Variants in GOLGA6D observed in about 807,000 individuals in gnomAD.
GOLGA6D encodes the protein golgin subfamily A member 6D.
A neutral mutation model predicts 42.1 loss-of-function variants in GOLGA6D; 9 were observed. The observed-to-expected ratio is 0.21, with a 90% CI of 0.13 to 0.37. The LOEUF (loss-of-function observed/expected upper bound fraction) is 0.37. Among genes scored for constraint, GOLGA6D ranks in the 10% least tolerant of loss-of-function variants. The pLI is 1.00. For synonymous variants in GOLGA6D, 39 were observed against 167.3 expected (o/e 0.23, Z 5.92); for missense variants, 87 against 420.8 (o/e 0.21, Z 6.94).
chr15:75,276,151 G>GC, the GOLGA6D span, among the ~76,000 whole-genome samples: 3,907 of 146,588 alleles, frequency 0.027, 49 homozygotes, highest in African/African-American at 0.098. Context: ...TGTCTTGAAT[G>GC]CCCCCTCACC....
At position 75,294,330 on chromosome 15, in the gene GOLGA6D, G is replaced by C; in HGVS notation, c.1955-18G>C. 6.3e-7 allele frequency: 1 copy of C among 1,586,006 alleles called. No individual in the cohort carries two copies. The highest frequency in any genetic ancestry group is 8.5e-7 in the Non-Finnish European group (1 of 1,173,908). On this transcript the variant is annotated intron_variant, in intron 17 of 17. Transcript: ENST00000434739. ...AGGCTCGCACTGTGCTCAGACCCCC[G>C]CCTCCCTCTCTCCGAAGTTTTTTAT...
At chr15:75,276,475 GT>G in the GOLGA6D span, among the ~76,000 whole-genome samples, 1,146 of 145,796 alleles carry the variant, frequency 7.9e-3, 1 homozygote, top group East Asian at 0.045. Context: ...CACCAGCTGT[GT>G]TTCAACTCTG....
rs1396424845 is a variant in GOLGA6D at position 75,289,310 on chromosome 15, G to A, written c.565-87G>A. On this transcript the variant is annotated intron_variant, in intron 7 of 17. Coordinates refer to ENST00000434739, the MANE Select transcript of GOLGA6D (RefSeq NM_001145224.3). Reference sequence around the variant, plus strand: ...GGAAATGCCTTGACCTTTACTGACCGAGTTGTATATTGAGCCTAGCCCTAG... The same window carrying A: ...GGAAATGCCTTGACCTTTACTGACCAAGTTGTATATTGAGCCTAGCCCTAG... 92 of 1,238,688 alleles carry A rather than the reference G, an allele frequency of 7.4e-5. 7 individuals carry two copies. Among genetic ancestry groups the A allele is most frequent in the African/African-American group, 1.5e-4 (9 of 58,682 alleles). The allele number at this position is 1,238,688 out of a possible 1,614,324, so 76.7% of individuals were successfully genotyped here. A position where few individuals can be genotyped will look rare whatever the true frequency, so the allele number is the denominator to read the frequency against.
chr15:75,294,403 G>A lies in GOLGA6D; in HGVS notation c.2010G>A (p.Arg670=), dbSNP rs566693501. Residue 670 remains arginine, a synonymous_variant, in exon 18 of 18, where the codon AGG becomes AGA. Coordinates refer to ENST00000434739, the MANE Select transcript of GOLGA6D (RefSeq NM_001145224.3). ...NNVEPAPGVA[R]EGSPHNNPTV... is the part of the protein sequence containing the mutation. ...TGGAGCCTGCACCAGGAGTGGCCAG[G>A]GAGGGTTCTCCCCATAACAACCCCA... 7.5e-6 allele frequency: 12 copies of A among 1,600,264 alleles called. 2 individuals carry two copies. The highest frequency in any genetic ancestry group is 3.0e-5 in the African/African-American group (2 of 66,908).
In GOLGA6D at chr15:75,294,448, G is replaced by T. The variant is rs981281781; in HGVS notation, c.2055G>T (p.Gln685His). The stretch of plus-strand genomic sequence containing the variant: ...ACCCCACTGTACAGCAGATCGTGCA[G>T]CTGTCTCCTGTCATGCAGGACACCT... The part of the protein sequence containing the change: ...HNNPTVQQIV[Q>H]LSPVMQDT The change falls in exon 18 of 18, where the codon CAG becomes CAT. Residue 685 changes from glutamine (Q) to histidine (H), a missense_variant. Physicochemically the swap from Gln to His is conservative, Grantham distance 24. Coordinates refer to ENST00000434739, the MANE Select transcript of GOLGA6D (RefSeq NM_001145224.3). 2.5e-6 allele frequency: 4 copies of T among 1,597,036 alleles called. 1 individual carries two copies. The African/African-American group carries it at 6.0e-5, about 24-fold the overall frequency.
At position 75,294,237 on chromosome 15, in the gene GOLGA6D, C is replaced by A. The variant is rs1366560698; in HGVS notation, c.1930C>A (p.Leu644Ile). 1 of 1,422,236 alleles carries A rather than the reference C, an allele frequency of 7.0e-7. No individual in the cohort carries two copies. The allele number at this position is 1,422,236 out of a possible 1,614,324, so 88.1% of individuals were successfully genotyped here. A position where few individuals can be genotyped will look rare whatever the true frequency, so the allele number is the denominator to read the frequency against. ...TCCAGGGGCCCCAGCCCCCCAGGAA[C>A]TTGGGGCTGCCGGTGAGCAGGATGG... ...PTPGAPAPQELGAAGEQDVFY... is the reference protein window; with the variant it reads ...PTPGAPAPQEIGAAGEQDVFY... The change falls in exon 17 of 18, where the codon CTT becomes ATT. Residue 644 changes from leucine to isoleucine, a missense_variant. Transcript: ENST00000434739.
Position 75,295,409 on chromosome 15 carries a change from G to GA in GOLGA6D, c.*938dup, listed in dbSNP as rs909149188. ...GCTCCCATCATTGACTGTGGATGTG[G>GA]AAAACCTTTTCTAGCTTAGAGCATT... On this transcript the variant is annotated 3_prime_UTR_variant, in exon 18 of 18. Transcript: ENST00000434739. 1 of 132,674 alleles carries GA rather than the reference G, an allele frequency of 7.5e-6. No homozygotes were observed. The highest frequency in any genetic ancestry group is 1.6e-5 in the Non-Finnish European group (1 of 63,548). The allele number at this position is 132,674 out of a possible 1,614,324, so 8.2% of individuals were successfully genotyped here. A position where few individuals can be genotyped will look rare whatever the true frequency, so the allele number is the denominator to read the frequency against.
Position 75,294,392 on chromosome 15 carries a change from G to C in GOLGA6D, c.1999G>C (p.Gly667Arg). The part of the protein sequence containing the change: ...SLDNNVEPAP[G>R]VAREGSPHNN... ...GGACAACAACGTGGAGCCTGCACCA[G>C]GAGTGGCCAGGGAGGGTTCTCCCCA... The change falls in exon 18 of 18, where the codon GGA becomes CGA. Residue 667 changes from glycine to arginine, a missense_variant. Coordinates refer to ENST00000434739, the MANE Select transcript of GOLGA6D (RefSeq NM_001145224.3). The C allele has an allele frequency of 6.3e-7, 1 of 1,598,970 alleles. No individual in the cohort carries two copies. The highest frequency in any genetic ancestry group is 8.5e-7 in the Non-Finnish European group (1 of 1,177,834).
chr15:75,276,342 C>T, the GOLGA6D span, among the ~76,000 whole-genome samples: 1 of 151,204 alleles, frequency 6.6e-6, no homozygotes, highest in Non-Finnish European at 1.5e-5. Flanking sequence ...ACCCTCTGTC[C>T]TCATGTGGTG....
In GOLGA6D at chr15:75,289,430, C is replaced by A. The variant is rs765215456; in HGVS notation, c.598C>A (p.Arg200=). The A allele has an allele frequency of 6.6e-7, 1 of 1,526,474 alleles. No homozygotes were observed. The allele number at this position is 1,526,474 out of a possible 1,614,324, so 94.6% of individuals were successfully genotyped here. The change falls in exon 8 of 18, where the codon CGG becomes AGG. Residue 200 remains arginine (R), a synonymous_variant. Coordinates refer to ENST00000434739, the MANE Select transcript of GOLGA6D (RefSeq NM_001145224.3). ...SSCREAVLQR[R]LQQTIKERAL... ...CTGCAGAGAAGCGGTCCTCCAGCGGCGGTTACAGCAGACCATAAAGGAGCG... is the reference window on the plus strand; with the variant it reads ...CTGCAGAGAAGCGGTCCTCCAGCGGAGGTTACAGCAGACCATAAAGGAGCG...
At chr15:75,287,587 AG>A in intron 3 of GOLGA6D, 41 bp from the exon 4 acceptor site, 1 of 254,874 alleles carries the variant, frequency 3.9e-6, no homozygotes, top group Admixed American at 7.8e-5. Context: ...AATAGAGTTG[AG>A]GGGGCCACTC....
upstream of GOLGA6D, among the ~76,000 whole-genome samples, chr15:75,278,790 C>A (rs1272672775): frequency 1.3e-5 from 2 of 151,836 alleles, no homozygotes; most frequent in Non-Finnish European, 2.9e-5. Flanking sequence ...TGCAGTGTAG[C>A]ATAGATGGTT....
Position 75,294,580 on chromosome 15 carries a change from T to G in GOLGA6D, c.*105T>G. The G allele has an allele frequency of 4.8e-6, 5 of 1,034,712 alleles. No homozygotes were observed. In the South Asian group the frequency reaches 8.7e-5, roughly 18 times the overall value. 64.1% of individuals were successfully genotyped at this position (1,034,712 alleles called of 1,614,324 possible). On this transcript the variant is annotated 3_prime_UTR_variant, in exon 18 of 18. Coordinates refer to ENST00000434739, the MANE Select transcript of GOLGA6D (RefSeq NM_001145224.3). Reference sequence around the variant, plus strand: ...TCTTCTAAGAGCTGGTCAAGAAATTTAAAACAACAACAACAACAAAAAGTT... The same window carrying G: ...TCTTCTAAGAGCTGGTCAAGAAATTGAAAACAACAACAACAACAAAAAGTT...
chr15:75,278,804 C>T (rs1361563880), upstream of GOLGA6D, among the ~76,000 whole-genome samples: 2 of 151,784 alleles, frequency 1.3e-5, no homozygotes, highest in African/African-American at 4.9e-5. Context: ...GATGGTTGTA[C>T]TTGTCCACTC....
At chr15:75,276,218 T>G in the GOLGA6D span, among the ~76,000 whole-genome samples, 1 of 151,712 alleles carries the variant, frequency 6.6e-6, no homozygotes, top group Non-Finnish European at 1.5e-5. Flanking sequence ...GGAACCCACA[T>G]TCCCTGCCCC....
At chr15:75,277,821 T>G in the GOLGA6D span, among the ~76,000 whole-genome samples, 20 of 1,638 alleles carry the variant, frequency 0.012, no homozygotes, top group Non-Finnish European at 0.048. Context: ...AAAATGTCAC[T>G]GTTTTGGGGT....
chr15:75,293,436 C>T lies in GOLGA6D; in HGVS notation c.1593+272C>T, dbSNP rs2451769. On this transcript the variant is annotated intron_variant, in intron 14 of 17. Transcript: ENST00000434739. ...GCCTTCAAGTGGCATTTTTCAACTC[C>T]GCTGGAGCCAGTTCCCAGGAGGAGC... 7.9e-3 allele frequency among the ~76,000 whole-genome samples: 1,097 copies of T among 139,178 alleles called. 1 individual carries two copies. The highest frequency in any genetic ancestry group is 0.022 in the African/African-American group (762 of 34,472). 91.3% of individuals were successfully genotyped at this position (139,178 alleles called of 152,430 possible).
Position 75,288,307 on chromosome 15 carries a change from T to A in GOLGA6D, c.507T>A (p.Ile169=). The A allele has an allele frequency of 6.4e-7, 1 of 1,573,246 alleles. No individual in the cohort carries two copies. Among genetic ancestry groups the A allele is most frequent in the Non-Finnish European group, 8.5e-7 (1 of 1,170,764 alleles). Residue 169 remains isoleucine (I), a synonymous_variant, in exon 7 of 18, where the codon ATT becomes ATA. Coordinates refer to ENST00000434739, the MANE Select transcript of GOLGA6D (RefSeq NM_001145224.3). ...GCCTGCAATACTCCTTACAGCATAT[T>A]CAAGAATTGGAGCGGGCTCTCTGTG... The part of the protein sequence containing the change: ...AGRLQYSLQH[I]QELERALCAV...
chr15:75,288,559 G>A (rs1379808097), intron 7 of GOLGA6D, among the ~76,000 whole-genome samples, 195 bp downstream of exon 7: 2 of 140,226 alleles, frequency 1.4e-5, no homozygotes, highest in African/African-American at 2.8e-5. Flanking sequence ...GGGCACTGTG[G>A]GGAGTGAGCA....
Sources: allele counts gnomAD v4.1 joint callset (sites outside exome capture counted in the v4.1 genomes callset), GRCh38; gene constraint gnomAD v4.1.1; transcripts MANE v1.5; gene names NCBI Gene and HGNC (gene_info 2026-07-23, HGNC 2026-07-21).